The following RNFT2 variants were observed in gnomAD, a reference collection of about 807,000 sequenced individuals.
RNFT2 encodes the protein E3 ubiquitin-protein ligase RNFT2.
RNFT2 carries 36 observed loss-of-function variants against 53.0 expected under a neutral mutation model. That is an observed-to-expected ratio of 0.68 (90% CI 0.52 to 0.90). The LOEUF (loss-of-function observed/expected upper bound fraction) is 0.90. Among genes scored for constraint, RNFT2 ranks in the 40% least tolerant of loss-of-function variants. The probability of loss-of-function intolerance (pLI) is 0.00; values close to 1 mark genes in which losing one functional copy is unlikely to be tolerated. For synonymous variants in RNFT2, 260 were observed against 253.2 expected (o/e 1.03, Z -0.26); for missense variants, 514 against 585.6 (o/e 0.88, Z 1.26).
chr12:116,740,397 A>G lies in RNFT2; in HGVS notation c.-101A>G. 1 of 1,183,180 alleles carries G rather than the reference A, an allele frequency of 8.5e-7. No individual in the cohort carries two copies. The highest frequency in any genetic ancestry group is 1.3e-5 in the South Asian group (1 of 76,482). The allele number at this position is 1,183,180 out of a possible 1,614,324, so 73.3% of individuals were successfully genotyped here. A position where few individuals can be genotyped will look rare whatever the true frequency, so the allele number is the denominator to read the frequency against. On this transcript the variant is annotated 5_prime_UTR_variant, in exon 2 of 11. Coordinates refer to ENST00000257575, the MANE Select transcript of RNFT2 (RefSeq NM_001382266.1). ...ACTGTGCATCCCTCTGGAGACGAAG[A>G]GGAGGGGGAGGCCTGTCCTCTCTGG...
At chr12:116,837,163 C>T (rs990401925) in intron 10 of RNFT2, among the ~76,000 whole-genome samples, 1 of 152,166 alleles carries the variant, frequency 6.6e-6, no homozygotes, top group African/African-American at 2.4e-5. Flanking sequence ...TGCATCCCTC[C>T]TCCTCCTCCT....
chr12:116,739,531 G>A (rs374022378), intron 1 of RNFT2, among the ~76,000 whole-genome samples: 138 of 152,322 alleles, frequency 9.1e-4, no homozygotes, highest in Middle Eastern at 3.4e-3. Flanking sequence ...GCAATATTAC[G>A]GGGAGTCAGG....
chr12:116,839,238 A>G (rs1877125777), intron 10 of RNFT2, among the ~76,000 whole-genome samples: 1 of 152,232 alleles, frequency 6.6e-6, no homozygotes, highest in Non-Finnish European at 1.5e-5. Context: ...ACATGAGAGC[A>G]GATACCATGT....
intron 7 of RNFT2, among the ~76,000 whole-genome samples, chr12:116,803,280 T>C (rs1874892838): frequency 6.6e-6 from 1 of 151,982 alleles, no homozygotes; most frequent in African/African-American, 2.4e-5. Context: ...GGGGTGATGT[T>C]TTATACTCTC....
At chr12:116,741,189 G>C in intron 3 of RNFT2, 95 bp downstream of exon 3, 1 of 916,684 alleles carries the variant, frequency 1.1e-6, no homozygotes, top group Non-Finnish European at 1.8e-6. Context: ...CACCCTCAGC[G>C]TTAGTTGTTA....
At chr12:116,776,119 A>G (rs1311011761) in intron 6 of RNFT2, among the ~76,000 whole-genome samples, 1 of 152,198 alleles carries the variant, frequency 6.6e-6, no homozygotes, top group African/African-American at 2.4e-5. Context: ...ATATCAGTCC[A>G]TTAAAGTTTG....
At position 116,832,476 on chromosome 12, in the gene RNFT2, G is replaced by A. The variant is rs998417397; in HGVS notation, c.883-1316G>A. 6.6e-5 allele frequency among the ~76,000 whole-genome samples: 10 copies of A among 152,068 alleles called. 1 individual carries two copies. Among genetic ancestry groups the A allele is most frequent in the South Asian group, 4.1e-4 (2 of 4,824 alleles). Reference sequence around the variant, plus strand: ...TTTATCCGTTCTTCCATTGATGGGCGTCTGGGCTGCTTCCAGTTTGGGGAT... The same window carrying A: ...TTTATCCGTTCTTCCATTGATGGGCATCTGGGCTGCTTCCAGTTTGGGGAT... On this transcript the variant is annotated intron_variant, in intron 7 of 10. Coordinates refer to ENST00000257575, the MANE Select transcript of RNFT2 (RefSeq NM_001382266.1).
chr12:116,766,947 G>A lies in RNFT2; in HGVS notation c.728+33G>A, dbSNP rs1367828625. ...TGGGAATCCAACCCCCACGGTGGGA[G>A]AGTGGGGCACTTGGCTGGGCTTGGG... On this transcript the variant is annotated intron_variant, in intron 6 of 10. Transcript: ENST00000257575. 2.0e-6 allele frequency: 3 copies of A among 1,473,068 alleles called. No individual in the cohort carries two copies. The South Asian group carries it at 3.6e-5, about 18-fold the overall frequency. The allele number at this position is 1,473,068 out of a possible 1,614,324, so 91.2% of individuals were successfully genotyped here. A position where few individuals can be genotyped will look rare whatever the true frequency, so the allele number is the denominator to read the frequency against.
At chr12:116,841,855 A>AGAGAGAAAGAGAGAGAG (rs1565876093) in intron 10 of RNFT2, among the ~76,000 whole-genome samples, 1 of 24,534 alleles carries the variant, frequency 4.1e-5, no homozygotes, top group Non-Finnish European at 9.4e-5. Context: ...AAATATATAT[A>AGAGAGAAAGAGAGAGAG]AAAATATATA....
At position 116,740,435 on chromosome 12, in the gene RNFT2, A is replaced by G; in HGVS notation, c.-63A>G. The G allele has an allele frequency of 8.6e-6, 13 of 1,510,500 alleles. No homozygotes were observed. The South Asian group carries it at 1.1e-4, about 13-fold the overall frequency. The allele number at this position is 1,510,500 out of a possible 1,614,324, so 93.6% of individuals were successfully genotyped here. A position where few individuals can be genotyped will look rare whatever the true frequency, so the allele number is the denominator to read the frequency against. ...CTGTCCTCTCTGGGATCCATTGGTC[A>G]CATCCCCCTGAGGATTCCCGAATGC... is the stretch of plus-strand genomic sequence containing the variant. On this transcript the variant is annotated 5_prime_UTR_variant, in exon 2 of 11. Coordinates refer to ENST00000257575, the MANE Select transcript of RNFT2 (RefSeq NM_001382266.1).
At chr12:116,801,986 T>C (rs891745649) in intron 7 of RNFT2, among the ~76,000 whole-genome samples, 7 of 152,172 alleles carry the variant, frequency 4.6e-5, no homozygotes, top group African/African-American at 1.7e-4. Flanking sequence ...CATGCCCAGC[T>C]AATTTTTGTA....
In RNFT2 at chr12:116,853,022, T is replaced by G; in HGVS notation, c.*3574T>G. On this transcript the variant is annotated 3_prime_UTR_variant, in exon 11 of 11. Coordinates refer to ENST00000257575, the MANE Select transcript of RNFT2 (RefSeq NM_001382266.1). ...ACAGGGGCAGATGGGATGGTTTAGTTTAGGATTTTATTAGTGCATGCCCTA... is the reference window on the plus strand; with the variant it reads ...ACAGGGGCAGATGGGATGGTTTAGTGTAGGATTTTATTAGTGCATGCCCTA... 1 of 475,730 alleles carries G rather than the reference T, an allele frequency of 2.1e-6. No individual in the cohort carries two copies. The highest frequency in any genetic ancestry group is 2.0e-5 in the African/African-American group (1 of 50,840). The allele number at this position is 475,730 out of a possible 1,614,324, so 29.5% of individuals were successfully genotyped here. A position where few individuals can be genotyped will look rare whatever the true frequency, so the allele number is the denominator to read the frequency against.
intron 4 of RNFT2, among the ~76,000 whole-genome samples, chr12:116,753,122 GTTTTTTCTTTTTCTTTTTTCTTTTTC>G (rs1373867773): frequency 7.1e-6 from 1 of 141,088 alleles, no homozygotes; most frequent in Non-Finnish European, 1.6e-5. Flanking sequence ...GGCGTTGTAA[GTTTTTTCTTTTTCTTTTTTCTTTTTC>G]TTTTTTTTTT....
At chr12:116,792,823 T>G (rs567100950) in intron 7 of RNFT2, among the ~76,000 whole-genome samples, 80 of 152,278 alleles carry the variant, frequency 5.3e-4, no homozygotes, top group African/African-American at 1.9e-3. Context: ...ACGGCACAGA[T>G]GCTCTTTGCT....
intron 5 of RNFT2, among the ~76,000 whole-genome samples, chr12:116,762,015 C>T (rs1410204861): frequency 2.8e-5 from 4 of 144,326 alleles, no homozygotes; most frequent in Admixed American, 7.3e-5. Flanking sequence ...TGCAGTGAGC[C>T]GAGATCACAC....
chr12:116,762,295 G>C (rs1312067192), intron 5 of RNFT2, among the ~76,000 whole-genome samples: 1 of 151,482 alleles, frequency 6.6e-6, no homozygotes, highest in African/African-American at 2.4e-5. Context: ...CAGGAGAATT[G>C]CTTGAACCTG....
chr12:116,831,508 C>T (rs920150586), intron 7 of RNFT2, among the ~76,000 whole-genome samples: 1 of 151,794 alleles, frequency 6.6e-6, no homozygotes, highest in Non-Finnish European at 1.5e-5. Flanking sequence ...TAATCAGACC[C>T]TCTTTTTTGT....
chr12:116,749,455 T>C (rs1441716033), intron 3 of RNFT2, among the ~76,000 whole-genome samples: 1 of 152,028 alleles, frequency 6.6e-6, no homozygotes, highest in African/African-American at 2.4e-5. Flanking sequence ...TTTAGCTCTA[T>C]TTCTTGTAAA....
chr12:116,797,686 C>A (rs1874569675), intron 7 of RNFT2, among the ~76,000 whole-genome samples: 1 of 152,176 alleles, frequency 6.6e-6, no homozygotes, highest in Non-Finnish European at 1.5e-5. Context: ...AAGAAGGTAG[C>A]TTTATTGAAG....
Sources: allele counts gnomAD v4.1 joint callset (sites outside exome capture counted in the v4.1 genomes callset), GRCh38; gene constraint gnomAD v4.1.1; transcripts MANE v1.5; gene names NCBI Gene and HGNC (gene_info 2026-07-23, HGNC 2026-07-21).